Variants in GABBR2 observed in about 807,000 individuals in gnomAD.
The protein encoded by GABBR2 is gamma-aminobutyric acid type B receptor subunit 2.
Under a neutral mutation model 105.6 loss-of-function variants are expected in GABBR2, and 23 were observed. The observed-to-expected ratio is 0.22, with a 90% confidence interval of 0.16 to 0.31. The LOEUF is 0.31. GABBR2 is among the 10% of genes least tolerant of loss of function. The pLI is 1.00. For synonymous variants in GABBR2, 478 were observed against 499.7 expected, an observed-to-expected ratio of 0.96 and a Z score of 0.58; for missense variants, 734 against 1,245.5, an observed-to-expected ratio of 0.59 and a Z score of 6.18.
intron 1 of GABBR2, among the ~76,000 whole-genome samples, chr9:98,698,505 T>TC (rs34068263): frequency 0.65 from 94,422 of 145,794 alleles, 31,467 homozygotes; most frequent in Middle Eastern, 0.81. Context: ...GCACAATTCT[T>TC]TTTTTTTTTT....
At chr9:98,540,142 T>C (rs2131738715) in intron 3 of GABBR2, among the ~76,000 whole-genome samples, 1 of 152,164 alleles carries the variant, frequency 6.6e-6, no homozygotes, top group East Asian at 1.9e-4. Flanking sequence ...GAGGTCAAGT[T>C]CCCTTTGTGC....
chr9:98,562,247 G>C (rs984711955), intron 2 of GABBR2, among the ~76,000 whole-genome samples: 1 of 152,016 alleles, frequency 6.6e-6, no homozygotes, highest in African/African-American at 2.4e-5. Context: ...GACAATTGTG[G>C]GACATTTTAT....
rs1830497241 is a variant in GABBR2, at chr9:98,303,224, G to A, written c.2412+17C>T. ...AGTGGCAGACAGGGCCCAGCTACCA[G>A]ATGCAGAGGGAGGTACCTCTGTGAT... On this transcript the variant is annotated intron_variant, in intron 16 of 18. Coordinates refer to ENST00000259455, the MANE Select transcript of GABBR2 (RefSeq NM_005458.8). 1 of 1,608,074 alleles carries A rather than the reference G, an allele frequency of 6.2e-7. No individual in the cohort carries two copies. Among genetic ancestry groups the A allele is most frequent in the African/African-American group, 1.3e-5 (1 of 74,812 alleles).
At chr9:98,469,454 A>C (rs1281564651) in intron 6 of GABBR2, among the ~76,000 whole-genome samples, 1 of 152,192 alleles carries the variant, frequency 6.6e-6, no homozygotes, top group East Asian at 1.9e-4. Flanking sequence ...GCCTGGGTGG[A>C]GACACAGAGC....
intron 2 of GABBR2, among the ~76,000 whole-genome samples, chr9:98,550,260 A>G (rs1241188063): frequency 6.6e-6 from 1 of 152,208 alleles, no homozygotes; most frequent in African/African-American, 2.4e-5. Flanking sequence ...AACTTGCCCA[A>G]CAAAGCAAAT....
Position 98,578,025 on chromosome 9 carries a change from G to C in GABBR2, c.369C>G (p.Tyr123Ter). 1 of 1,613,734 alleles carries C rather than the reference G, an allele frequency of 6.2e-7. No individual in the cohort carries two copies. The highest frequency in any genetic ancestry group is 8.5e-7 in the Non-Finnish European group (1 of 1,179,678). ...GLKAFYDAIK[Y>*]GPNHLMVFGG... is the part of the protein sequence containing the mutation. ...CAAACACCATCAAGTGGTTAGGCCC[G>C]TATTTTATTGCATCGTAGAAGGCTT... Residue 123 changes from tyrosine to a stop codon, truncating the protein, a stop_gained, in exon 2 of 19, where the codon TAC becomes TAG. Transcript: ENST00000259455. LOFTEE classifies it high-confidence loss of function.
In GABBR2 at chr9:98,647,925, C is replaced by T. The variant is rs898377041; in HGVS notation, c.321+60492G>A. 4.6e-5 allele frequency among the ~76,000 whole-genome samples: 7 copies of T among 150,772 alleles called. No homozygotes were observed. In the East Asian group the frequency reaches 7.8e-4, roughly 17 times the overall value. On this transcript the variant is annotated intron_variant, in intron 1 of 18. Coordinates refer to ENST00000259455, the MANE Select transcript of GABBR2 (RefSeq NM_005458.8). Reference sequence around the variant, plus strand: ...AGAATGAATACCATCCATACACTGTCGATTGAAATGGTCATTATTTGTTAA... The same window carrying T: ...AGAATGAATACCATCCATACACTGTTGATTGAAATGGTCATTATTTGTTAA...
intron 7 of GABBR2, among the ~76,000 whole-genome samples, chr9:98,409,775 G>A (rs1332545962): frequency 6.6e-6 from 1 of 152,220 alleles, no homozygotes; most frequent in African/African-American, 2.4e-5. Context: ...GGGATTGGCT[G>A]AGCTCATGAT....
At chr9:98,482,338 G>C (rs1826942349) in intron 4 of GABBR2, among the ~76,000 whole-genome samples, 1 of 152,038 alleles carries the variant, frequency 6.6e-6, no homozygotes, top group Non-Finnish European at 1.5e-5. Context: ...GAAAGAAGAG[G>C]GGAAAAAAAA....
intron 1 of GABBR2, among the ~76,000 whole-genome samples, chr9:98,679,840 T>C (rs1411926293): frequency 6.6e-6 from 1 of 152,192 alleles, no homozygotes; most frequent in Non-Finnish European, 1.5e-5. Context: ...AAACAGGCCT[T>C]GGCAAATTCC....
intron 1 of GABBR2, among the ~76,000 whole-genome samples, chr9:98,581,525 G>A (rs1224661649): frequency 1.5e-5 from 2 of 133,786 alleles, no homozygotes; most frequent in African/African-American, 5.4e-5. Flanking sequence ...GAGGGAGACA[G>A]GGAGGGAGGG....
chr9:98,290,734 C>G lies in GABBR2; in HGVS notation c.2676G>C (p.Leu892=). 6.7e-7 allele frequency: 1 copy of G among 1,487,450 alleles called. No individual in the cohort carries two copies. Among genetic ancestry groups the G allele is most frequent in the African/African-American group, 1.5e-5 (1 of 67,896 alleles). The allele number at this position is 1,487,450 out of a possible 1,614,324, so 92.1% of individuals were successfully genotyped here. The change falls in exon 19 of 19, where the codon CTG becomes CTC. Residue 892 remains leucine (L), a synonymous_variant. Coordinates refer to ENST00000259455, the MANE Select transcript of GABBR2 (RefSeq NM_005458.8). ...INSPEHIQRR[L]SLQLPILHHA... ...GGTGGAGGATGGGGAGCTGGAGGGA[C>G]AGCCGACGCTGGATGCTGAAGAGAA...
chr9:98,406,003 G>T, intron 8 of GABBR2, 78 bp downstream of exon 8: 3 of 806,978 alleles, frequency 3.7e-6, no homozygotes, highest in South Asian at 1.5e-5. Context: ...CATTCCTTTT[G>T]ATGTATTATA....
At chr9:98,308,768 G>A (rs1830590588) in intron 14 of GABBR2, among the ~76,000 whole-genome samples, 1 of 152,234 alleles carries the variant, frequency 6.6e-6, no homozygotes, top group Non-Finnish European at 1.5e-5. Context: ...TGTCTGTCTG[G>A]ATTTTGGACC....
chr9:98,678,397 G>A (rs563691873), intron 1 of GABBR2, among the ~76,000 whole-genome samples: 1 of 152,232 alleles, frequency 6.6e-6, no homozygotes, highest in African/African-American at 2.4e-5. Flanking sequence ...TATAGAATGC[G>A]CCCCAACGCG....
intron 3 of GABBR2, among the ~76,000 whole-genome samples, chr9:98,512,771 G>A (rs1243614820): frequency 6.6e-6 from 1 of 152,156 alleles, no homozygotes; most frequent in African/African-American, 2.4e-5. Flanking sequence ...CAAACAAATG[G>A]AAGAACATTC....
intron 1 of GABBR2, among the ~76,000 whole-genome samples, chr9:98,703,226 A>T (rs1830853653): frequency 6.6e-6 from 1 of 152,348 alleles, no homozygotes; most frequent in South Asian, 2.1e-4. Context: ...CCAACACAGA[A>T]GAAATCAAAG....
chr9:98,703,023 G>A (rs1314125413), intron 1 of GABBR2, among the ~76,000 whole-genome samples: 1 of 152,144 alleles, frequency 6.6e-6, no homozygotes, highest in African/African-American at 2.4e-5. Context: ...GTCCCATCAG[G>A]GTCATGTGAC....
chr9:98,442,481 C>G (rs1826049537), intron 7 of GABBR2, among the ~76,000 whole-genome samples: 1 of 152,238 alleles, frequency 6.6e-6, no homozygotes, highest in Non-Finnish European at 1.5e-5. Flanking sequence ...CTTCTCTACT[C>G]ACTAGCTCTG....
Sources: allele counts gnomAD v4.1 joint callset (sites outside exome capture counted in the v4.1 genomes callset), GRCh38; gene constraint gnomAD v4.1.1; transcripts MANE v1.5; gene names NCBI Gene and HGNC (gene_info 2026-07-23, HGNC 2026-07-21).